Variants in UCHL3 observed in about 807,000 individuals in gnomAD.
UCHL3 encodes ubiquitin C-terminal hydrolase L3.
Under a neutral mutation model 35.8 loss-of-function variants are expected in UCHL3, and 22 were observed. The ratio of observed to expected loss-of-function variants is 0.61; its 90% confidence interval spans 0.44 to 0.88. UCHL3 has a LOEUF of 0.88. Ranked by LOEUF, UCHL3 falls within the 40% of genes least tolerant of loss-of-function variation. The probability of loss-of-function intolerance (pLI) is 0.00; values close to 1 mark genes in which losing one functional copy is unlikely to be tolerated. For missense variants in UCHL3, 229 were observed against 276.9 expected (o/e 0.83, Z 1.23); for synonymous variants, 90 against 92.8 (o/e 0.97, Z 0.17).
At chr13:75,561,764 T>C (rs12871445) in intron 3 of UCHL3, among the ~76,000 whole-genome samples, 16,612 of 151,226 alleles carry the variant, frequency 0.11, 1,171 homozygotes, top group Non-Finnish European at 0.16. Context: ...TCTAGAATGA[T>C]ATATGTGTAT....
At position 75,575,581 on chromosome 13, in the gene UCHL3, C is replaced by T. The variant is rs372048057; in HGVS notation, c.474+6074C>T. ...ATGAGGTATTACCATTGTCCTCATC[C>T]CCCTTCTATAGATGAGGCAATTGAG... On this transcript the variant is annotated intron_variant, in intron 6 of 8. Transcript: ENST00000377595. Among the ~76,000 whole-genome samples the T allele has an allele frequency of 2.0e-5, 3 of 152,172 alleles. No individual in the cohort carries two copies. In the East Asian group the frequency reaches 5.8e-4, roughly 29 times the overall value.
intron 6 of UCHL3, among the ~76,000 whole-genome samples, chr13:75,583,789 T>C (rs1004519274): frequency 4.6e-5 from 7 of 152,158 alleles, no homozygotes; most frequent in Admixed American, 2.0e-4. Context: ...CTGAGATGAA[T>C]AGAAGCCCAA....
chr13:75,583,701 A>G (rs2032247045), intron 6 of UCHL3, among the ~76,000 whole-genome samples: 1 of 152,240 alleles, frequency 6.6e-6, no homozygotes, highest in African/African-American at 2.4e-5. Flanking sequence ...AACAAACTAA[A>G]GGTGCAGTAT....
chr13:75,570,634 T>C (rs1271958562), intron 6 of UCHL3, among the ~76,000 whole-genome samples: 1 of 152,218 alleles, frequency 6.6e-6, no homozygotes, highest in Non-Finnish European at 1.5e-5. Context: ...TGGCTGAGCA[T>C]GCTGACTCAC....
intron 2 of UCHL3, among the ~76,000 whole-genome samples, chr13:75,555,180 C>T (rs2031250505): frequency 6.6e-6 from 1 of 152,186 alleles, no homozygotes; most frequent in African/African-American, 2.4e-5. Context: ...TTGCTTGAGT[C>T]ATCCACTCCT....
chr13:75,574,950 G>A (rs1047999438), intron 6 of UCHL3, among the ~76,000 whole-genome samples: 5 of 152,172 alleles, frequency 3.3e-5, no homozygotes, highest in African/African-American at 1.2e-4. Flanking sequence ...GGAGAATAGT[G>A]GTAGACCAAC....
intron 6 of UCHL3, among the ~76,000 whole-genome samples, chr13:75,588,154 G>T (rs1241267306): frequency 6.6e-6 from 1 of 152,056 alleles, no homozygotes; most frequent in Non-Finnish European, 1.5e-5. Context: ...TTCTAAACAT[G>T]TCTTCCTTAT....
At chr13:75,581,933 A>G (rs2032198183) in intron 6 of UCHL3, among the ~76,000 whole-genome samples, 1 of 152,280 alleles carries the variant, frequency 6.6e-6, no homozygotes, top group African/African-American at 2.4e-5. Context: ...TTTGGATTAT[A>G]TTCAGGAATT....
chr13:75,552,143 T>G (rs2031133636), intron 2 of UCHL3, among the ~76,000 whole-genome samples: 1 of 152,222 alleles, frequency 6.6e-6, no homozygotes, highest in South Asian at 2.1e-4. Flanking sequence ...TGTTTTAAAT[T>G]GATTTTTTAA....
chr13:75,580,719 C>G (rs189997654), intron 6 of UCHL3, among the ~76,000 whole-genome samples: 1 of 152,118 alleles, frequency 6.6e-6, no homozygotes, highest in African/African-American at 2.4e-5. Context: ...GCTGTATCTA[C>G]CCTAGTTTGA....
At chr13:75,554,051 T>G (rs1403295991) in intron 2 of UCHL3, among the ~76,000 whole-genome samples, 3 of 152,130 alleles carry the variant, frequency 2.0e-5, no homozygotes, top group Non-Finnish European at 4.4e-5. Flanking sequence ...TTCCTTAATT[T>G]CTTTCTTTCT....
At chr13:75,592,444 A>ATGTATATATG (rs1765797835) in intron 6 of UCHL3, among the ~76,000 whole-genome samples, 1 of 108,810 alleles carries the variant, frequency 9.2e-6, no homozygotes, top group Non-Finnish European at 1.9e-5. Context: ...ATATATATAT[A>ATGTATATATG]TATATATATA....
chr13:75,553,338 T>C (rs2138447724), intron 2 of UCHL3, among the ~76,000 whole-genome samples: 1 of 152,340 alleles, frequency 6.6e-6, no homozygotes, highest in African/African-American at 2.4e-5. Flanking sequence ...GTGTGTACCA[T>C]TTCGTAGTAA....
At chr13:75,586,758 G>T (rs74094449) in intron 6 of UCHL3, among the ~76,000 whole-genome samples, 9,101 of 151,822 alleles carry the variant, frequency 0.06, 901 homozygotes, top group African/African-American at 0.21. Context: ...ATATTCAATA[G>T]TACACTTCTA....
intron 7 of UCHL3, among the ~76,000 whole-genome samples, chr13:75,597,923 C>G (rs2032686175): frequency 6.6e-6 from 1 of 152,104 alleles, no homozygotes; most frequent in South Asian, 2.1e-4. Flanking sequence ...TTGTTATCAC[C>G]CTCCCTTTTC....
upstream of UCHL3, chr13:75,549,588 T>C (rs1156471195): frequency 4.4e-6 from 2 of 455,742 alleles, no homozygotes; most frequent in Admixed American, 4.1e-5. Flanking sequence ...AAATAGGAAA[T>C]TGGCTTATTT....
chr13:75,569,390 C>T, intron 5 of UCHL3, 70 bp from the exon 6 acceptor site: 1 of 1,265,634 alleles, frequency 7.9e-7, no homozygotes, highest in Non-Finnish European at 1.1e-6. Context: ...TAAAATTTAG[C>T]TTTGTTGTCT....
intron 6 of UCHL3, among the ~76,000 whole-genome samples, chr13:75,578,112 G>A (rs1026837938): frequency 2.0e-5 from 3 of 151,760 alleles, no homozygotes; most frequent in Admixed American, 6.6e-5. Flanking sequence ...TACATTTTAA[G>A]AACAGTTGAG....
chr13:75,578,993 A>G (rs1486523147), intron 6 of UCHL3, among the ~76,000 whole-genome samples: 1 of 152,100 alleles, frequency 6.6e-6, no homozygotes, highest in East Asian at 1.9e-4. Flanking sequence ...TTAGATGTAT[A>G]TGTATAGTTG....
Sources: gnomAD v4.1 joint callset for allele counts (sites outside exome capture counted in the v4.1 genomes callset) on GRCh38, gnomAD v4.1.1 for gene constraint, MANE v1.5 for transcripts, NCBI Gene and HGNC (gene_info 2026-07-23, HGNC 2026-07-21) for gene names.